Variants in UPRT observed in about 807,000 individuals in gnomAD.
The protein encoded by UPRT is RP11-311P8.3.
A neutral mutation model predicts 22.6 loss-of-function variants in UPRT; 5 were observed. The observed-to-expected ratio is 0.22, with a 90% confidence interval of 0.12 to 0.47. UPRT has a LOEUF of 0.47. UPRT is among the 20% of genes least tolerant of loss of function. The pLI is 0.99. For missense variants in UPRT, 181 were observed against 239.9 expected (o/e 0.75, Z 1.62); for synonymous variants, 77 against 87.7 (o/e 0.88, Z 0.68).
chrX:75,271,099 A>G (rs141785352), upstream of UPRT, among the ~76,000 whole-genome samples: 350 of 111,825 alleles, frequency 3.1e-3, 2 homozygotes, highest in African/African-American at 0.011. Flanking sequence ...GCCAAAAGCA[A>G]TCTACACATT....
chrX:75,219,059 AAG>A (rs1007151576), intron 4 of UPRT, among the ~76,000 whole-genome samples: 44 of 112,109 alleles, frequency 3.9e-4, no homozygotes, highest in Middle Eastern at 9.2e-3. Context: ...TTTAAAAAAA[AAG>A]AGTGTTGTTA....
chrX:75,180,816 G>T (rs1291929641), intron 4 of UPRT, among the ~76,000 whole-genome samples: 3 of 101,654 alleles, frequency 3.0e-5, no homozygotes, highest in East Asian at 6.7e-4. Flanking sequence ...TACGTTGTCT[G>T]CTTACTCTGT....
At position 75,156,926 on chromosome X, in the gene UPRT, C is replaced by CACACACACACACACAG. The variant is rs748263766; in HGVS notation, c.-737+377_-737+378insCACACACACACACAGA. 4.8e-3 allele frequency among the ~76,000 whole-genome samples: 525 copies of CACACACACACACACAG among 108,971 alleles called. 3 individuals carry two copies. The highest frequency in any genetic ancestry group is 0.017 in the African/African-American group (499 of 29,876). The allele number at this position is 108,971 out of a possible 115,157, so 94.6% of individuals were successfully genotyped here. On this transcript the variant is annotated intron_variant, in intron 1 of 13. Coordinates refer to the UPRT transcript ENST00000652605. ...ACACACACACACACACACACACACA[C>CACACACACACACACAG]AGAGAGACTACAGACATCTTTACTA...
At chrX:75,164,255 GC>G (rs1569256630) in intron 3 of UPRT, among the ~76,000 whole-genome samples, 1 of 111,851 alleles carries the variant, frequency 8.9e-6, no homozygotes, top group Non-Finnish European at 1.9e-5. Flanking sequence ...ATGCTTTCTT[GC>G]CCTTTCACCT....
chrX:75,228,128 A>T (rs1170476991), intron 4 of UPRT, among the ~76,000 whole-genome samples: 1 of 111,507 alleles, frequency 9.0e-6, no homozygotes, highest in Non-Finnish European at 1.9e-5. Flanking sequence ...AAGAAGCAGG[A>T]CTAAGAAGAG....
chrX:75,301,078 T>C, intron 6 of UPRT, 113 bp downstream of exon 6: 1 of 478,351 alleles, frequency 2.1e-6, no homozygotes, highest in Non-Finnish European at 3.4e-6. Flanking sequence ...ACATTAAATC[T>C]GAATCTAATT....
At chrX:75,183,542 A>G in intron 4 of UPRT, among the ~76,000 whole-genome samples, 1 of 111,991 alleles carries the variant, frequency 8.9e-6, no homozygotes. Flanking sequence ...ATACCCAGTA[A>G]TGGGATGGCT....
intron 4 of UPRT, among the ~76,000 whole-genome samples, chrX:75,259,705 C>T (rs183275225): frequency 3.5e-4 from 39 of 111,110 alleles, no homozygotes; most frequent in Non-Finnish European, 1.1e-4. Context: ...TCCAGGAGAA[C>T]TTCCCCAACA....
At chrX:75,240,525 A>G (rs763012864) in intron 4 of UPRT, among the ~76,000 whole-genome samples, 1 of 112,096 alleles carries the variant, frequency 8.9e-6, no homozygotes, top group African/African-American at 3.2e-5. Flanking sequence ...TATAAATTCA[A>G]TGCAATTCCC....
intron 4 of UPRT, among the ~76,000 whole-genome samples, chrX:75,247,301 G>T (rs1045566707): frequency 9.0e-6 from 1 of 111,404 alleles, no homozygotes; most frequent in Non-Finnish European, 1.9e-5. Flanking sequence ...TCCGGGAAGC[G>T]CAAGGGGTAA....
At chrX:75,168,472 A>G (rs932370309) in intron 4 of UPRT, among the ~76,000 whole-genome samples, 1 of 111,330 alleles carries the variant, frequency 9.0e-6, no homozygotes, top group Non-Finnish European at 1.9e-5. Context: ...CATTTTTAAA[A>G]TTTCCGTAGG....
intron 4 of UPRT, among the ~76,000 whole-genome samples, chrX:75,183,431 A>G (rs1277785375): frequency 8.9e-6 from 1 of 112,031 alleles, no homozygotes; most frequent in East Asian, 2.8e-4. Context: ...ATTATTGGAC[A>G]TATGGGTTGG....
At chrX:75,163,599 A>C (rs959388202) in intron 3 of UPRT, among the ~76,000 whole-genome samples, 2 of 111,902 alleles carry the variant, frequency 1.8e-5, no homozygotes, top group African/African-American at 6.5e-5. Flanking sequence ...TCAAGTTGTA[A>C]ATGAAAATAT....
chrX:75,175,016 C>T (rs1014663778), intron 4 of UPRT, among the ~76,000 whole-genome samples: 1 of 110,569 alleles, frequency 9.0e-6, no homozygotes, highest in East Asian at 2.8e-4. Context: ...CTCTCGTTCT[C>T]TGATGTTTTT....
intron 6 of UPRT, among the ~76,000 whole-genome samples, chrX:75,302,689 C>T (rs773077562): frequency 1.8e-5 from 2 of 110,927 alleles, no homozygotes; most frequent in East Asian, 5.6e-4. Context: ...TACATACTTT[C>T]ACATTTTTTC....
intron 3 of UPRT, among the ~76,000 whole-genome samples, chrX:75,163,689 C>T (rs12852387): frequency 0.011 from 1,190 of 112,174 alleles, 7 homozygotes; most frequent in Non-Finnish European, 0.017. Flanking sequence ...CTTAAATGTT[C>T]ATCAACTGGT....
upstream of UPRT, among the ~76,000 whole-genome samples, chrX:75,272,836 A>G (rs1232237367): frequency 2.7e-5 from 3 of 112,117 alleles, no homozygotes; most frequent in African/African-American, 6.5e-5. Flanking sequence ...ATATACCCAA[A>G]GGAACATAAA....
At chrX:75,181,244 T>C (rs2082269280) in intron 4 of UPRT, among the ~76,000 whole-genome samples, 1 of 111,635 alleles carries the variant, frequency 9.0e-6, no homozygotes, top group African/African-American at 3.3e-5. Context: ...CCATGTTGTT[T>C]TGGTTACCGT....
intron 4 of UPRT, among the ~76,000 whole-genome samples, chrX:75,243,573 G>C (rs1259856132): frequency 3.6e-5 from 4 of 111,967 alleles, no homozygotes; most frequent in Non-Finnish European, 7.5e-5. Context: ...TTAGTCATTA[G>C]TGAATTTTGC....
Sources: gnomAD v4.1 joint callset for allele counts (sites outside exome capture counted in the v4.1 genomes callset) on GRCh38, gnomAD v4.1.1 for gene constraint, MANE v1.5 for transcripts, NCBI Gene and HGNC (gene_info 2026-07-23, HGNC 2026-07-21) for gene names.